Variants in CENPP observed in about 807,000 individuals in gnomAD.
CENPP encodes centromere protein P.
CENPP carries 24 observed loss-of-function variants against 35.6 expected under a neutral mutation model. The observed-to-expected ratio is 0.67, with a 90% confidence interval of 0.49 to 0.95. The LOEUF (loss-of-function observed/expected upper bound fraction) is 0.95, where lower values mean the gene tolerates loss of function less well. CENPP is among the 40% of genes least tolerant of loss of function. The pLI, the probability that CENPP is intolerant of heterozygous loss-of-function variation, is 0.00. For synonymous variants in CENPP, 120 were observed against 125.5 expected, an observed-to-expected ratio of 0.96 and a Z score of 0.29; for missense variants, 332 against 345.3, an observed-to-expected ratio of 0.96 and a Z score of 0.31.
rs373352424 is a variant in CENPP, at chr9:92,413,262, C to T, written c.564+33403C>T. 3.2e-4 allele frequency among the ~76,000 whole-genome samples: 49 copies of T among 152,194 alleles called. No homozygotes were observed. The South Asian group carries it at 8.7e-3, about 27-fold the overall frequency. On this transcript the variant is annotated intron_variant, in intron 5 of 7. Transcript: ENST00000375587. The stretch of plus-strand genomic sequence containing the variant: ...TCGGCCTTCCAAAGTGCTGGGATTA[C>T]AGGTGTGAGCTAATGCGCCCGACTA...
chr9:92,345,564 T>TTGTTTTTG (rs1173037503), intron 3 of CENPP, 135 bp from the exon 4 acceptor site: 3 of 603,578 alleles, frequency 5.0e-6, no homozygotes, highest in Non-Finnish European at 8.7e-6. Flanking sequence ...TGAACTTTTT[T>TTGTTTTTG]TGTTTTTGTT....
intron 5 of CENPP, among the ~76,000 whole-genome samples, chr9:92,584,014 T>G (rs1057465813): frequency 2.0e-5 from 3 of 152,234 alleles, no homozygotes; most frequent in Admixed American, 1.3e-4. Context: ...ATGCAAGCAT[T>G]GTGCTGTCTG....
chr9:92,399,884 C>T (rs908758318), intron 5 of CENPP, among the ~76,000 whole-genome samples: 2 of 152,102 alleles, frequency 1.3e-5, no homozygotes, highest in Non-Finnish European at 2.9e-5. Context: ...ACCAGTATCG[C>T]ACTTTTTAAA....
At chr9:92,426,740 G>A (rs1251440022) in intron 5 of CENPP, among the ~76,000 whole-genome samples, 2 of 152,160 alleles carry the variant, frequency 1.3e-5, no homozygotes, top group African/African-American at 2.4e-5. Context: ...AGGTGAGGTG[G>A]TGACAGTGAT....
chr9:92,331,413 C>T (rs994349005), intron 1 of CENPP, among the ~76,000 whole-genome samples: 1 of 152,060 alleles, frequency 6.6e-6, no homozygotes, highest in Non-Finnish European at 1.5e-5. Flanking sequence ...ATCTCCTGAC[C>T]GCGTGATCCA....
At position 92,519,036 on chromosome 9, in the gene CENPP, C is replaced by A. The variant is rs569772268; in HGVS notation, c.565-92278C>A. Among the ~76,000 whole-genome samples the A allele has an allele frequency of 5.3e-5, 8 of 152,286 alleles. 1 individual carries two copies. In the South Asian group the frequency reaches 1.5e-3, roughly 28 times the overall value. On this transcript the variant is annotated intron_variant, in intron 5 of 7. Transcript: ENST00000375587. Reference sequence around the variant, plus strand: ...ATTAGAGGGGATGTTTTTCTTCCAACCCTGGTGTCATTCCAGATAACTTTC... The same window carrying A: ...ATTAGAGGGGATGTTTTTCTTCCAAACCTGGTGTCATTCCAGATAACTTTC...
At chr9:92,366,823 G>C (rs1841899172) in intron 4 of CENPP, among the ~76,000 whole-genome samples, 1 of 152,128 alleles carries the variant, frequency 6.6e-6, no homozygotes, top group Non-Finnish European at 1.5e-5. Flanking sequence ...GTTCAGTACT[G>C]ACTTCCCCAA....
At chr9:92,331,897 A>G (rs1002424064) in intron 1 of CENPP, among the ~76,000 whole-genome samples, 13 of 152,212 alleles carry the variant, frequency 8.5e-5, no homozygotes, top group Non-Finnish European at 1.5e-5. Context: ...GCAGTGCACT[A>G]TGATTACACC....
At chr9:92,416,108 T>A (rs2761674) in intron 5 of CENPP, among the ~76,000 whole-genome samples, 57,367 of 140,794 alleles carry the variant, frequency 0.41, 14,025 homozygotes, top group African/African-American at 0.67. Flanking sequence ...ATTTTATTTT[T>A]TTTTTTTTTA....
intron 5 of CENPP, among the ~76,000 whole-genome samples, chr9:92,408,348 G>T (rs965612374): frequency 4.6e-5 from 7 of 152,134 alleles, no homozygotes; most frequent in Non-Finnish European, 8.8e-5. Flanking sequence ...ACCACGCCCA[G>T]CTAATTTTTA....
At chr9:92,381,996 T>C (rs1842259883) in intron 5 of CENPP, among the ~76,000 whole-genome samples, 1 of 151,980 alleles carries the variant, frequency 6.6e-6, no homozygotes, top group Admixed American at 6.6e-5. Flanking sequence ...TGATGTTAAA[T>C]GTATTTTTAT....
At chr9:92,514,831 T>C (rs571757522) in intron 5 of CENPP, 4 of 1,611,928 alleles carry the variant, frequency 2.5e-6, no homozygotes, top group East Asian at 2.2e-5. Flanking sequence ...GTCCTCCTCA[T>C]CCTCCTCACC....
intron 5 of CENPP, chr9:92,514,688 T>C (rs771907543): frequency 6.2e-7 from 1 of 1,611,524 alleles, no homozygotes; most frequent in Non-Finnish European, 8.5e-7. Context: ...TGGGTAAGCA[T>C]GGCGTTGATG....
At chr9:92,406,864 T>C (rs1297557659) in intron 5 of CENPP, among the ~76,000 whole-genome samples, 1 of 152,200 alleles carries the variant, frequency 6.6e-6, no homozygotes, top group Non-Finnish European at 1.5e-5. Flanking sequence ...AATAGTCTTC[T>C]GGCAAGATGG....
intron 5 of CENPP, among the ~76,000 whole-genome samples, chr9:92,469,482 G>A (rs1845431218): frequency 6.6e-6 from 1 of 152,200 alleles, no homozygotes; most frequent in African/African-American, 2.4e-5. Context: ...CACTGACCCA[G>A]GGTGACAGGG....
Position 92,500,990 on chromosome 9 carries a change from C to T in CENPP, c.565-110324C>T. The T allele has an allele frequency of 1.9e-6, 3 of 1,614,124 alleles. No individual in the cohort carries two copies. The East Asian group carries it at 6.7e-5, about 36-fold the overall frequency. On this transcript the variant is annotated intron_variant, in intron 5 of 7. Transcript: ENST00000375587. ...CAAGGAGTACTAGGTGCAGCAAGGA[C>T]TTGGGTAGATAGGACGGGACGTGAT...
intron 5 of CENPP, chr9:92,502,563 A>G: frequency 1.2e-6 from 2 of 1,612,586 alleles, no homozygotes; most frequent in Non-Finnish European, 8.5e-7. Flanking sequence ...CAATTTTGTT[A>G]TAACGTAGTA....
At chr9:92,481,241 A>G (rs1011857787) in intron 5 of CENPP, among the ~76,000 whole-genome samples, 39 of 152,342 alleles carry the variant, frequency 2.6e-4, no homozygotes, top group African/African-American at 8.9e-4. Flanking sequence ...ACAGAAGACT[A>G]TATATCCTCT....
chr9:92,522,516 C>A (rs1848137150), intron 5 of CENPP: 3 of 1,448,168 alleles, frequency 2.1e-6, no homozygotes, highest in Non-Finnish European at 2.8e-6. Flanking sequence ...CTTCTCTTTC[C>A]CCATACCATC....
Sources: gnomAD v4.1 joint callset for allele counts (sites outside exome capture counted in the v4.1 genomes callset) on GRCh38, gnomAD v4.1.1 for gene constraint, MANE v1.5 for transcripts, NCBI Gene and HGNC (gene_info 2026-07-23, HGNC 2026-07-21) for gene names.